FHIT: variants seen among roughly 807,000 people sequenced by gnomAD.
The protein encoded by FHIT is fragile histidine triad diadenosine triphosphatase, also known as bis(5'-adenosyl)-triphosphatase.
A neutral mutation model predicts 17.9 loss-of-function variants in FHIT; 19 were observed. The observed-to-expected ratio is 1.06, with a 90% CI of 0.74 to 1.56. The LOEUF is 1.56. FHIT is among the 40% of genes most tolerant of loss of function. FHIT has a pLI of 0.00. For missense variants in FHIT, 248 were observed against 189.2 expected, an observed-to-expected ratio of 1.31 and a Z score of -1.82; for synonymous variants, 81 against 69.7, an observed-to-expected ratio of 1.16 and a Z score of -0.81.
chr3:59,788,879 A>ATTTTTTTTTTTTTTTTTTTT (rs896400961), intron 8 of FHIT, among the ~76,000 whole-genome samples: 13 of 3,292 alleles, frequency 3.9e-3, no homozygotes, highest in Non-Finnish European at 4.9e-3. Context: ...CTGAGTTCAT[A>ATTTTTTTTTTTTTTTTTTTT]TGTTTTTTTT....
intron 5 of FHIT, among the ~76,000 whole-genome samples, chr3:60,111,258 G>T (rs573659139): frequency 2.6e-5 from 4 of 152,158 alleles, no homozygotes; most frequent in Admixed American, 1.3e-4. Flanking sequence ...ACATATACCC[G>T]TATATAAGGA....
intron 8 of FHIT, among the ~76,000 whole-genome samples, chr3:59,863,591 T>C (rs1453589049): frequency 6.6e-6 from 1 of 152,210 alleles, no homozygotes; most frequent in Non-Finnish European, 1.5e-5. Flanking sequence ...CATTCACAGC[T>C]CTACTCCCTG....
chr3:60,926,966 T>C (rs1366239429), intron 3 of FHIT, among the ~76,000 whole-genome samples: 6 of 152,036 alleles, frequency 3.9e-5, no homozygotes, highest in African/African-American at 1.4e-4. Context: ...TCCCTCTCCC[T>C]CTCCCTTTCA....
intron 8 of FHIT, among the ~76,000 whole-genome samples, chr3:59,848,770 T>C (rs1004653467): frequency 2.6e-5 from 4 of 152,200 alleles, no homozygotes; most frequent in Non-Finnish European, 5.9e-5. Flanking sequence ...GTCATATAAA[T>C]GCCATTGTAA....
chr3:60,534,217 G>A (rs1576828849), intron 5 of FHIT, among the ~76,000 whole-genome samples: 1 of 150,284 alleles, frequency 6.7e-6, no homozygotes, highest in Admixed American at 6.6e-5. Flanking sequence ...CATGAGGTCA[G>A]GAGATCGAGA....
chr3:60,029,911 G>C (rs1019013439), intron 5 of FHIT, among the ~76,000 whole-genome samples: 2 of 144,150 alleles, frequency 1.4e-5, no homozygotes, highest in African/African-American at 5.1e-5. Flanking sequence ...GTGTGTGTGT[G>C]TGTGTGTGTG....
intron 3 of FHIT, among the ~76,000 whole-genome samples, chr3:60,861,154 TA>T (rs370893810): frequency 3.3e-4 from 3 of 9,072 alleles, no homozygotes; most frequent in Admixed American, 3.4e-3. Flanking sequence ...ATGATCTATA[TA>T]CATATATATC....
At chr3:60,238,405 A>T (rs1179746610) in intron 5 of FHIT, among the ~76,000 whole-genome samples, 1 of 142,968 alleles carries the variant, frequency 7.0e-6, no homozygotes, top group African/African-American at 2.6e-5. Flanking sequence ...CCATGGTTTT[A>T]TTATCTTAAG....
chr3:60,524,556 G>A (rs575187941), intron 5 of FHIT, among the ~76,000 whole-genome samples: 2 of 152,300 alleles, frequency 1.3e-5, no homozygotes, highest in East Asian at 3.9e-4. Context: ...TGTAGCTGCT[G>A]TAACAAATTA....
At chr3:59,949,154 G>C (rs113165450) in intron 7 of FHIT, among the ~76,000 whole-genome samples, 1 of 152,304 alleles carries the variant, frequency 6.6e-6, no homozygotes, top group African/African-American at 2.4e-5. Context: ...AGAGTTTTGA[G>C]AATTCATTAT....
At chr3:60,174,541 A>T (rs1012966572) in intron 5 of FHIT, among the ~76,000 whole-genome samples, 7 of 152,346 alleles carry the variant, frequency 4.6e-5, no homozygotes, top group Middle Eastern at 3.4e-3. Context: ...GTTACAAAAC[A>T]GAAGTTCAGA....
rs547602371 is a variant in FHIT at position 59,757,740 on chromosome 3, AAAC to A, written c.349-5422_349-5420del. The stretch of plus-strand genomic sequence containing the variant: ...ATATTTCATTATTATCACTTTTATA[AAAC>A]AACATACAGAAGCAGAGAGCTTAAA... On this transcript the variant is annotated intron_variant, in intron 8 of 9. Transcript: ENST00000492590. 6.2e-3 allele frequency among the ~76,000 whole-genome samples: 938 copies of A among 152,336 alleles called. 3 individuals carry two copies. Among genetic ancestry groups the A allele is most frequent in the Non-Finnish European group, 8.2e-3 (559 of 68,022 alleles).
chr3:60,441,783 A>ATAT (rs1345764875), intron 5 of FHIT, among the ~76,000 whole-genome samples: 4 of 23,946 alleles, frequency 1.7e-4, no homozygotes, highest in African/African-American at 3.0e-4. Context: ...TATGTATAAA[A>ATAT]ATATATATAT....
intron 8 of FHIT, among the ~76,000 whole-genome samples, chr3:59,762,707 C>A (rs1422040188): frequency 6.6e-6 from 1 of 152,156 alleles, no homozygotes; most frequent in Non-Finnish European, 1.5e-5. Flanking sequence ...ACCTCTAAGC[C>A]CGGAGGGCCC....
intron 5 of FHIT, among the ~76,000 whole-genome samples, chr3:60,183,064 T>TCA (rs1702009815): frequency 6.6e-6 from 1 of 152,126 alleles, no homozygotes; most frequent in African/African-American, 2.4e-5. Flanking sequence ...GAATAAAGTA[T>TCA]CACCTTCAAT....
intron 2 of FHIT, among the ~76,000 whole-genome samples, chr3:61,058,013 A>C (rs1575932787): frequency 6.6e-6 from 1 of 152,300 alleles, no homozygotes; most frequent in East Asian, 1.9e-4. Flanking sequence ...CACCTCTAAC[A>C]GAGATTAGCT....
At chr3:60,480,197 T>C (rs1472092218) in intron 5 of FHIT, among the ~76,000 whole-genome samples, 1 of 152,034 alleles carries the variant, frequency 6.6e-6, no homozygotes, top group Non-Finnish European at 1.5e-5. Flanking sequence ...CGGAGACTTA[T>C]CAAATAACCA....
intron 5 of FHIT, among the ~76,000 whole-genome samples, chr3:60,154,580 A>G (rs1483083698): frequency 1.3e-5 from 2 of 152,228 alleles, no homozygotes; most frequent in Non-Finnish European, 2.9e-5. Flanking sequence ...TAATATTCCA[A>G]GCTGTTATTA....
At chr3:60,942,097 C>A (rs1553774682) in intron 3 of FHIT, among the ~76,000 whole-genome samples, 1 of 152,150 alleles carries the variant, frequency 6.6e-6, no homozygotes, top group East Asian at 1.9e-4. Context: ...AATTCTCCTG[C>A]CTCAGCCTCC....
Sources: allele counts gnomAD v4.1 joint callset (sites outside exome capture counted in the v4.1 genomes callset), GRCh38; gene constraint gnomAD v4.1.1; transcripts MANE v1.5; gene names NCBI Gene and HGNC (gene_info 2026-07-23, HGNC 2026-07-21).